The following ACTR8 variants were observed in gnomAD, a reference collection of about 807,000 sequenced individuals.
ACTR8 encodes actin related protein 8.
In ACTR8, 70 loss-of-function variants were observed where a neutral mutation model predicts 84.3. The ratio of observed to expected loss-of-function variants is 0.83; its 90% CI spans 0.68 to 1.01. The LOEUF is 1.01. Among genes scored for constraint, ACTR8 ranks in the 50% least tolerant of loss-of-function variants. The pLI, the probability that ACTR8 is intolerant of heterozygous loss-of-function variation, is 0.00. For synonymous variants in ACTR8, 268 were observed against 275.2 expected (o/e 0.97, Z 0.26); for missense variants, 672 against 775.4 (o/e 0.87, Z 1.58).
At chr3:53,860,087 G>A in the ACTR8 span, 70 of 1,290,072 alleles carry the variant, frequency 5.4e-5, no homozygotes, top group East Asian at 1.6e-3. Flanking sequence ...AGAGATAAGT[G>A]TGGATTTGTT....
rs539245368 is a variant in ACTR8 at position 53,876,724 on chromosome 3, G to A, written c.685-11C>T. On this transcript the variant is annotated splice_polypyrimidine_tract_variant and intron_variant, in intron 5 of 12. Coordinates refer to ENST00000335754, the MANE Select transcript of ACTR8 (RefSeq NM_022899.5). The stretch of plus-strand genomic sequence containing the variant: ...GATACATCTATAATACTAAAAAGAA[G>A]AACAAAGATAAAAGGGTTAGCACTC... The A allele has an allele frequency of 7.7e-4, 1,079 of 1,410,218 alleles. 11 individuals carry two copies. The South Asian group carries it at 0.013, about 17-fold the overall frequency. The allele number at this position is 1,410,218 out of a possible 1,614,324, so 87.4% of individuals were successfully genotyped here.
downstream of ACTR8, among the ~76,000 whole-genome samples, chr3:53,863,721 AC>A (rs1160939243): frequency 6.6e-6 from 1 of 152,044 alleles, no homozygotes; most frequent in Non-Finnish European, 1.5e-5. Flanking sequence ...ACAAGCAACT[AC>A]CTAATTGACC....
chr3:53,872,855 G>T lies in ACTR8; in HGVS notation c.1161+177C>A, dbSNP rs144367307. Among the ~76,000 whole-genome samples the T allele has an allele frequency of 3.0e-4, 45 of 152,302 alleles. No individual in the cohort carries two copies. In the East Asian group the frequency reaches 7.9e-3, roughly 27 times the overall value. Reference sequence around the variant, plus strand: ...TCATCATATAGGGGCTAAATAGAAAGATATTCTTCAGATCCATTCTAGTCT... The same window carrying T: ...TCATCATATAGGGGCTAAATAGAAATATATTCTTCAGATCCATTCTAGTCT... On this transcript the variant is annotated intron_variant, in intron 9 of 12. Transcript: ENST00000335754.
In ACTR8 at chr3:53,869,997, C is replaced by G; in HGVS notation, c.1716G>C (p.Val572=). 1 of 1,614,144 alleles carries G rather than the reference C, an allele frequency of 6.2e-7. No homozygotes were observed. Among genetic ancestry groups the G allele is most frequent in the South Asian group, 1.1e-5 (1 of 91,074 alleles). ...SFRRIIENVD[V]ITRPKDMDPR... is the part of the protein sequence containing the mutation. ...AACAACCTACCTTAGGCCTTGTGAT[C>G]ACATCCACATTTTCAATAATTCGCC... The change falls in exon 12 of 13, where the codon GTG becomes GTC. Residue 572 remains valine, a synonymous_variant. Transcript: ENST00000335754.
rs192623682 is a variant in ACTR8 at position 53,873,023 on chromosome 3, A to G, written c.1161+9T>C. On this transcript the variant is annotated intron_variant, in intron 9 of 12. Coordinates refer to ENST00000335754, the MANE Select transcript of ACTR8 (RefSeq NM_022899.5). ...TTTCTACCCATGGAAACAGATACCTATAAGTTACCTGCAGTTTTTCATCTC... is the reference window on the plus strand; with the variant it reads ...TTTCTACCCATGGAAACAGATACCTGTAAGTTACCTGCAGTTTTTCATCTC... 5.8e-5 allele frequency: 92 copies of G among 1,598,506 alleles called. No individual in the cohort carries two copies. In the East Asian group the frequency reaches 1.5e-3, roughly 26 times the overall value.
rs965905109 is a variant in ACTR8 at position 53,882,078 on chromosome 3, A to C, written c.24T>G (p.Asp8Glu). 6.4e-7 allele frequency: 1 copy of C among 1,551,532 alleles called. No homozygotes were observed. The highest frequency in any genetic ancestry group is 2.0e-5 in the Admixed American group (1 of 51,010). Reference protein sequence around the residue: MTQAEKGDTENGKEKGGE... With the variant: MTQAEKGETENGKEKGGE... Reference sequence around the variant, plus strand: ...CGCCCTTCTCCTTTCCGTTCTCCGTATCACCCTTCTCAGCCTGGGTCATTA... The same window carrying C: ...CGCCCTTCTCCTTTCCGTTCTCCGTCTCACCCTTCTCAGCCTGGGTCATTA... Residue 8 changes from aspartate (D) to glutamate (E), a missense_variant, in exon 1 of 13, where the codon GAT (aspartate) becomes GAG (glutamate). Coordinates refer to ENST00000335754, the MANE Select transcript of ACTR8 (RefSeq NM_022899.5).
rs1319938654 is a variant in ACTR8 at position 53,868,045 on chromosome 3, A to T, written c.*674T>A. On this transcript the variant is annotated 3_prime_UTR_variant, in exon 13 of 13. Transcript: ENST00000335754. The stretch of plus-strand genomic sequence containing the variant: ...AGCATTTGTTCTGTTTTGGCCAAAT[A>T]AAAATTGTTTTCTTTCTTCCTCTAA... 1.3e-5 allele frequency: 2 copies of T among 152,234 alleles called. No individual in the cohort carries two copies. Among genetic ancestry groups the T allele is most frequent in the Admixed American group, 1.3e-4 (2 of 15,282 alleles). The allele number at this position is 152,234 out of a possible 1,614,324, so 9.4% of individuals were successfully genotyped here.
intron 6 of ACTR8, 38 bp from the exon 7 acceptor site, chr3:53,876,118 T>C: frequency 6.2e-7 from 1 of 1,610,384 alleles, no homozygotes; most frequent in Non-Finnish European, 8.5e-7. Context: ...AGTCATTAGC[T>C]GTAGCACGGT....
At chr3:53,876,474 G>C (rs902025588) in intron 6 of ACTR8, 146 bp downstream of exon 6, 20 of 596,550 alleles carry the variant, frequency 3.4e-5, no homozygotes, top group Non-Finnish European at 5.4e-5. Flanking sequence ...AGCTGAGATA[G>C]CGCCACTGCA....
intron 1 of ACTR8, 136 bp downstream of exon 1, chr3:53,881,843 G>A: frequency 1.4e-6 from 2 of 1,382,560 alleles, no homozygotes; most frequent in Non-Finnish European, 1.9e-6. Flanking sequence ...GGAAAAGAAC[G>A]ACCGCTTCCG....
At chr3:53,865,158 A>C, downstream of ACTR8, 1 of 1,614,204 alleles carries the variant, frequency 6.2e-7, no homozygotes, top group Non-Finnish European at 8.5e-7. Context: ...AGATTGATAC[A>C]AAAGACGATT....
rs577614315 is a variant in ACTR8 at position 53,879,842 on chromosome 3, G to A, written c.294+97C>T. On this transcript the variant is annotated intron_variant, in intron 2 of 12. Coordinates refer to ENST00000335754, the MANE Select transcript of ACTR8 (RefSeq NM_022899.5). ...TATTAATGTTTTAAAACACAGCAAA[G>A]CTATGAAGATGTTTCTTTAAGATTC... 3 of 1,222,688 alleles carry A rather than the reference G, an allele frequency of 2.5e-6. No individual in the cohort carries two copies. In the East Asian group the frequency reaches 7.1e-5, roughly 29 times the overall value. The allele number at this position is 1,222,688 out of a possible 1,614,324, so 75.7% of individuals were successfully genotyped here. A position where few individuals can be genotyped will look rare whatever the true frequency, so the allele number is the denominator to read the frequency against.
chr3:53,873,986 G>A (rs968590280), intron 8 of ACTR8, among the ~76,000 whole-genome samples: 25 of 151,954 alleles, frequency 1.6e-4, no homozygotes, highest in Admixed American at 4.6e-4. Flanking sequence ...CACCACGCCC[G>A]GCTAATTTTT....
intron 8 of ACTR8, among the ~76,000 whole-genome samples, chr3:53,873,393 C>T (rs1316789108): frequency 6.6e-6 from 1 of 152,136 alleles, no homozygotes; most frequent in South Asian, 2.1e-4. Flanking sequence ...AATCAATAAG[C>T]AAATTCCCTC....
At chr3:53,874,647 C>T (rs180792388) in intron 7 of ACTR8, among the ~76,000 whole-genome samples, 22 of 152,080 alleles carry the variant, frequency 1.4e-4, no homozygotes, top group Admixed American at 1.4e-3. Context: ...TTGCTTGAAC[C>T]CAGGAGGAAG....
Position 53,872,531 on chromosome 3 carries a change from A to G in ACTR8, c.1162-7T>C, listed in dbSNP as rs1260496499. The G allele has an allele frequency of 2.5e-6, 4 of 1,582,600 alleles. No individual in the cohort carries two copies. Among genetic ancestry groups the G allele is most frequent in the Admixed American group, 3.9e-5 (2 of 51,134 alleles). On this transcript the variant is annotated splice_region_variant and splice_polypyrimidine_tract_variant and intron_variant, in intron 9 of 12. Coordinates refer to ENST00000335754, the MANE Select transcript of ACTR8 (RefSeq NM_022899.5). ...AAAACAAAGCCATTGGAGCCTGTACATGAAGAAAAAGAGTGATCAACAAAA... is the reference window on the plus strand; with the variant it reads ...AAAACAAAGCCATTGGAGCCTGTACGTGAAGAAAAAGAGTGATCAACAAAA...
At chr3:53,878,632 G>C (rs1305715578) in intron 2 of ACTR8, among the ~76,000 whole-genome samples, 165 bp from the exon 3 acceptor site, 1 of 152,156 alleles carries the variant, frequency 6.6e-6, no homozygotes, top group African/African-American at 2.4e-5. Flanking sequence ...CCTCTAGCCT[G>C]GGCAACATGG....
Position 53,869,974 on chromosome 3 carries a change from C to T in ACTR8, c.1731+8G>A, listed in dbSNP as rs1699859272. 1 of 1,613,526 alleles carries T rather than the reference C, an allele frequency of 6.2e-7. No individual in the cohort carries two copies. The highest frequency in any genetic ancestry group is 1.3e-5 in the African/African-American group (1 of 74,910). ...ATACAGTCCAACTTGCACAATGAAA[C>T]AACCTACCTTAGGCCTTGTGATCAC... On this transcript the variant is annotated splice_region_variant and intron_variant, in intron 12 of 12. Transcript: ENST00000335754.
chr3:53,873,779 A>T (rs2107060102), intron 8 of ACTR8, among the ~76,000 whole-genome samples: 1 of 152,256 alleles, frequency 6.6e-6, no homozygotes, highest in South Asian at 2.1e-4. Context: ...TGCAGGCTTT[A>T]TCGTGGGTTG....
Sources: gnomAD v4.1 joint callset for allele counts (sites outside exome capture counted in the v4.1 genomes callset) on GRCh38, gnomAD v4.1.1 for gene constraint, MANE v1.5 for transcripts, NCBI Gene and HGNC (gene_info 2026-07-23, HGNC 2026-07-21) for gene names.